The following VCL variants were observed in gnomAD, a reference collection of about 807,000 sequenced individuals.
The protein encoded by VCL is epididymis luminal protein 114.
VCL carries 47 observed loss-of-function variants against 125.7 expected under a neutral mutation model. The ratio of observed to expected loss-of-function variants is 0.37; its 90% CI spans 0.30 to 0.48. The LOEUF (loss-of-function observed/expected upper bound fraction) is 0.48, where lower values mean the gene tolerates loss of function less well. VCL is among the 20% of genes least tolerant of loss of function. The pLI is 0.99. For synonymous variants in VCL, 458 were observed against 514.6 expected, an observed-to-expected ratio of 0.89 and a Z score of 1.49; for missense variants, 1,069 against 1,455.5, an observed-to-expected ratio of 0.73 and a Z score of 4.32.
chr10:74,110,383 C>T (rs1178402078), intron 18 of VCL, among the ~76,000 whole-genome samples: 3 of 152,194 alleles, frequency 2.0e-5, no homozygotes, highest in Non-Finnish European at 4.4e-5. Context: ...CATTTGTGGC[C>T]AGAAGTCCTG....
At chr10:74,077,616 C>T (rs1002497003) in intron 6 of VCL, 10 of 400,238 alleles carry the variant, frequency 2.5e-5, no homozygotes, top group Non-Finnish European at 4.0e-5. Flanking sequence ...TTAATGCATA[C>T]AGTGTCTTTC....
At chr10:74,077,183 C>T (rs1022114664) in intron 6 of VCL, 1 of 152,500 alleles carries the variant, frequency 6.6e-6, no homozygotes, top group Non-Finnish European at 1.5e-5. Flanking sequence ...CTCAAGTACA[C>T]GATGACATCA....
Position 74,097,267 on chromosome 10 carries a change from A to T in VCL, c.1807A>T (p.Thr603Ser), listed in dbSNP as rs753788366. ...QEVSDVFSDT[T>S]TPIKLLAVAA... is the part of the protein sequence containing the mutation. ...AGTGTCAGATGTTTTCAGCGATACC[A>T]CAACTCCCATCAAGCTGTTGGCAGT... is the stretch of plus-strand genomic sequence containing the variant. Residue 603 changes from threonine (T) to serine (S), a missense_variant, in exon 13 of 22, where the codon ACA becomes TCA. Thr to Ser is a moderately conservative substitution (Grantham distance 58, BLOSUM62 1). Around this residue, in one of 6 missense-constraint regions of VCL, gnomAD observed 760 missense variants for 928.9 expected, o/e 0.82. Coordinates refer to ENST00000211998, the MANE Select transcript of VCL (RefSeq NM_014000.3). This position sits in a 1 kb window ranked among gnomAD's most constrained non-coding sequence, Gnocchi z 4.1. 4 of 1,614,148 alleles carry T rather than the reference A, an allele frequency of 2.5e-6. No individual in the cohort carries two copies. The highest frequency in any genetic ancestry group is 1.3e-5 in the African/African-American group (1 of 75,068).
chr10:74,095,436 C>G (rs1023852759), intron 11 of VCL, among the ~76,000 whole-genome samples: 2 of 151,970 alleles, frequency 1.3e-5, no homozygotes, highest in Admixed American at 1.3e-4. Context: ...CTAAAAAAAA[C>G]CAATTAGCCA....
chr10:74,096,373 A>C (rs551817099), intron 12 of VCL, among the ~76,000 whole-genome samples: 1 of 152,088 alleles, frequency 6.6e-6, no homozygotes, highest in Non-Finnish European at 1.5e-5. Flanking sequence ...ATAAATAAAT[A>C]AATGAAAGAA....
At chr10:74,035,584 G>T (rs1465269327) in intron 1 of VCL, among the ~76,000 whole-genome samples, 3 of 152,122 alleles carry the variant, frequency 2.0e-5, no homozygotes, top group Non-Finnish European at 4.4e-5. Flanking sequence ...TGGACACATA[G>T]TTGGCACTTA....
intron 8 of VCL, among the ~76,000 whole-genome samples, chr10:74,084,138 T>G (rs1481469666): frequency 6.6e-6 from 1 of 152,194 alleles, no homozygotes; most frequent in Non-Finnish European, 1.5e-5. Flanking sequence ...GTGCTGGGAT[T>G]ACAGGAGTGA....
chr10:74,056,337 A>C (rs751432395), intron 2 of VCL, among the ~76,000 whole-genome samples: 1 of 151,944 alleles, frequency 6.6e-6, no homozygotes, highest in South Asian at 2.1e-4. Flanking sequence ...CCTTAGCTTT[A>C]TTGAGATATA....
At chr10:74,059,312 C>T (rs1238489785) in intron 2 of VCL, among the ~76,000 whole-genome samples, 1 of 151,432 alleles carries the variant, frequency 6.6e-6, no homozygotes, top group Non-Finnish European at 1.5e-5. Context: ...GCTGAGATCG[C>T]ACCACTGCAC....
chr10:74,025,815 C>T (rs765238744), intron 1 of VCL, among the ~76,000 whole-genome samples: 2 of 151,808 alleles, frequency 1.3e-5, no homozygotes, highest in Non-Finnish European at 2.9e-5. Flanking sequence ...TGGGTAATAC[C>T]CGAGGTTCAT....
chr10:74,082,338 T>TA, intron 6 of VCL, 116 bp from the exon 7 acceptor site: 1 of 1,071,298 alleles, frequency 9.3e-7, no homozygotes, highest in South Asian at 1.3e-5. Context: ...AAGGCCTTCG[T>TA]AGGACTGACT....
At chr10:74,013,550 C>T (rs936040018) in intron 1 of VCL, among the ~76,000 whole-genome samples, 1 of 151,648 alleles carries the variant, frequency 6.6e-6, no homozygotes, top group East Asian at 1.9e-4. Flanking sequence ...GATAAATCAG[C>T]ATATGATAAT....
chr10:74,094,981 A>G (rs1839943547), intron 11 of VCL, among the ~76,000 whole-genome samples: 1 of 152,208 alleles, frequency 6.6e-6, no homozygotes, highest in Non-Finnish European at 1.5e-5. Context: ...AGTTATGCCC[A>G]GTGTTGTGAG....
chr10:74,117,530 C>T (rs1282051216), intron 21 of VCL, among the ~76,000 whole-genome samples: 1 of 152,168 alleles, frequency 6.6e-6, no homozygotes, highest in Non-Finnish European at 1.5e-5. Context: ...CAGCATGTAC[C>T]TATTGTCCCA....
At chr10:74,120,937 A>G (rs1447887240), downstream of VCL, 1 of 152,236 alleles carries the variant, frequency 6.6e-6, no homozygotes, top group Non-Finnish European at 1.5e-5. Flanking sequence ...TTCCTTAAAG[A>G]AACACTGACT....
At chr10:74,082,742 A>AC (rs1839698357) in intron 7 of VCL, among the ~76,000 whole-genome samples, 198 bp downstream of exon 7, 1 of 152,200 alleles carries the variant, frequency 6.6e-6, no homozygotes, top group Non-Finnish European at 1.5e-5. Flanking sequence ...AGATTCGATC[A>AC]CCTCTAATCA....
At chr10:74,007,414 C>G (rs1337749334) in intron 1 of VCL, among the ~76,000 whole-genome samples, 1 of 152,184 alleles carries the variant, frequency 6.6e-6, no homozygotes, top group East Asian at 1.9e-4. Context: ...TTATTACACT[C>G]ATACTTGTTC....
At chr10:74,051,881 A>G (rs1841305676) in intron 2 of VCL, among the ~76,000 whole-genome samples, 1 of 152,184 alleles carries the variant, frequency 6.6e-6, no homozygotes, top group African/African-American at 2.4e-5. Context: ...CTTTTATTGA[A>G]GCAGCAGTGT....
At chr10:74,021,082 T>G (rs1352818431) in intron 1 of VCL, among the ~76,000 whole-genome samples, 1 of 152,012 alleles carries the variant, frequency 6.6e-6, no homozygotes, top group Non-Finnish European at 1.5e-5. Flanking sequence ...CATCTTTTCG[T>G]TATTGTTTGT....
Sources: allele counts gnomAD v4.1 joint callset (sites outside exome capture counted in the v4.1 genomes callset), GRCh38; gene constraint gnomAD v4.1.1; regional missense constraint gnomAD v4.1.1; non-coding constraint Gnocchi (gnomAD v3.1); transcripts MANE v1.5; gene names NCBI Gene and HGNC (gene_info 2026-07-23, HGNC 2026-07-21).